Variants in ANKRD28 observed in about 807,000 individuals in gnomAD.
ANKRD28 encodes the protein ankyrin repeat domain 28, also known as serine/threonine-protein phosphatase 6 regulatory ankyrin repeat subunit A.
In ANKRD28, 44 loss-of-function variants were observed where a neutral mutation model predicts 126.5. That is an observed-to-expected ratio of 0.35 (90% confidence interval 0.27 to 0.45). ANKRD28 has a LOEUF of 0.45. Ranked by LOEUF, ANKRD28 falls within the 20% of genes least tolerant of loss-of-function variation. ANKRD28 has a pLI of 1.00. For missense variants in ANKRD28, 1,110 were observed against 1,316.6 expected (o/e 0.84, Z 2.43); for synonymous variants, 442 against 468.5 (o/e 0.94, Z 0.73).
intron 3 of ANKRD28, among the ~76,000 whole-genome samples, chr3:15,764,337 C>A (rs1186945225): frequency 6.6e-6 from 1 of 152,184 alleles, no homozygotes; most frequent in East Asian, 1.9e-4. Context: ...TAAGCATTCT[C>A]TCAAATGCTT....
chr3:15,707,440 A>G (rs2071609297), intron 14 of ANKRD28, among the ~76,000 whole-genome samples: 1 of 152,236 alleles, frequency 6.6e-6, no homozygotes, highest in Non-Finnish European at 1.5e-5. Flanking sequence ...CCTACTACGT[A>G]CCAGATTCTG....
At chr3:15,694,924 CTT>C (rs1220990078) in intron 16 of ANKRD28, 111 bp from the exon 17 acceptor site, 2 of 994,398 alleles carry the variant, frequency 2.0e-6, no homozygotes, top group Non-Finnish European at 3.1e-6. Flanking sequence ...ACTCAGCAAA[CTT>C]ATAAAACATG....
At position 15,814,642 on chromosome 3, in the gene ANKRD28, C is replaced by T. The variant is rs1383360184; in HGVS notation, c.28-19336G>A. On this transcript the variant is annotated intron_variant, in intron 1 of 27. Coordinates refer to the ANKRD28 transcript ENST00000399451. This position sits in a 1 kb window ranked among gnomAD's most constrained non-coding sequence, Gnocchi z 4.7. The stretch of plus-strand genomic sequence containing the variant: ...TCTTAAACACAAACACACACACACA[C>T]ATATACACACACAAACTTTTCAAAT... Among the ~76,000 whole-genome samples, 1 of 151,906 alleles carries T rather than the reference C, an allele frequency of 6.6e-6. No homozygotes were observed. Among genetic ancestry groups the T allele is most frequent in the African/African-American group, 2.4e-5 (1 of 41,400 alleles).
At position 15,815,227 on chromosome 3, in the gene ANKRD28, A is replaced by G. The variant is rs936956377; in HGVS notation, c.28-19921T>C. 6.6e-6 allele frequency among the ~76,000 whole-genome samples: 1 copy of G among 152,186 alleles called. No individual in the cohort carries two copies. The highest frequency in any genetic ancestry group is 1.9e-4 in the East Asian group (1 of 5,204). On this transcript the variant is annotated intron_variant, in intron 1 of 27. Coordinates refer to the ANKRD28 transcript ENST00000399451. The surrounding 1 kb of genome is among the most constrained non-coding windows in gnomAD (Gnocchi z 4.1). ...ATTAGGCCTAAAAAATTATGGAGCCATAATTCTCAAGTGCAATGACCTAGA... is the reference window on the plus strand; with the variant it reads ...ATTAGGCCTAAAAAATTATGGAGCCGTAATTCTCAAGTGCAATGACCTAGA...
intron 17 of ANKRD28, among the ~76,000 whole-genome samples, chr3:15,692,149 A>T (rs1326542707): frequency 1.3e-5 from 2 of 150,878 alleles, no homozygotes; most frequent in Non-Finnish European, 3.0e-5. Context: ...CTAAATAAAA[A>T]AAAAAAAAAA....
intron 2 of ANKRD28, among the ~76,000 whole-genome samples, chr3:15,790,419 C>T (rs1254224141): frequency 1.3e-4 from 19 of 151,870 alleles, no homozygotes; most frequent in Admixed American, 1.2e-3. Context: ...CTGAATTCAA[C>T]AATATATTAG....
At chr3:15,676,733 G>T (rs1159020943) in intron 26 of ANKRD28, 6 of 345,450 alleles carry the variant, frequency 1.7e-5, no homozygotes, top group Non-Finnish European at 2.7e-5. Context: ...TAGGTAGGTG[G>T]ATTAAGGAAA....
chr3:15,766,289 C>T lies in ANKRD28; in HGVS notation c.225G>A (p.Leu75=). ...NFQDNEKRTP[L]HAAAYLGDAE... is the part of the protein sequence containing the mutation. The stretch of plus-strand genomic sequence containing the variant: ...CATCTCCAAGGTAAGCTGCGGCGTG[C>T]AATGGGGTTCGCTTTTCATTGTCCT... Residue 75 remains leucine (L), a synonymous_variant, in exon 3 of 28, where the codon TTG becomes TTA. Transcript: ENST00000683139. The T allele has an allele frequency of 1.9e-6, 3 of 1,610,878 alleles. No individual in the cohort carries two copies. The highest frequency in any genetic ancestry group is 2.5e-6 in the Non-Finnish European group (3 of 1,178,054).
chr3:15,702,854 T>A (rs2070812523), intron 14 of ANKRD28, among the ~76,000 whole-genome samples: 1 of 152,064 alleles, frequency 6.6e-6, no homozygotes, highest in South Asian at 2.1e-4. Context: ...AAAATCAGTT[T>A]TAAAAAATAC....
At chr3:15,688,915 G>A (rs1437159934) in intron 18 of ANKRD28, among the ~76,000 whole-genome samples, 1 of 152,188 alleles carries the variant, frequency 6.6e-6, no homozygotes, top group African/African-American at 2.4e-5. Flanking sequence ...AAGTCAAAAC[G>A]TGTATCACTT....
chr3:15,778,125 G>A (rs2059382988), intron 2 of ANKRD28, among the ~76,000 whole-genome samples: 1 of 152,074 alleles, frequency 6.6e-6, no homozygotes, highest in African/African-American at 2.4e-5. Context: ...CCTAATAGGT[G>A]TCCATAGCAC....
chr3:15,755,991 T>G (rs2058132982), intron 3 of ANKRD28, among the ~76,000 whole-genome samples: 1 of 152,214 alleles, frequency 6.6e-6, no homozygotes, highest in African/African-American at 2.4e-5. Context: ...TATAAACCAA[T>G]ATTTACAGAA....
chr3:15,751,935 A>C (rs1575537275), intron 3 of ANKRD28, 115 bp from the exon 4 acceptor site: 2 of 677,438 alleles, frequency 3.0e-6, no homozygotes, highest in African/African-American at 1.9e-5. Flanking sequence ...TTGAAAAAAA[A>C]CTTATTTTTT....
chr3:15,670,239 T>C lies in ANKRD28; in HGVS notation c.*31A>G, dbSNP rs757183770. On this transcript the variant is annotated 3_prime_UTR_variant, in exon 28 of 28. Transcript: ENST00000683139. ...TCCTGAAAAAGCACAGTTTGAAGCT[T>C]TACTGTGAGAACTCCCTCCTCCTCA... is the stretch of plus-strand genomic sequence containing the variant. 3.7e-6 allele frequency: 6 copies of C among 1,603,122 alleles called. No individual in the cohort carries two copies. Among genetic ancestry groups the C allele is most frequent in the Non-Finnish European group, 5.1e-6 (6 of 1,171,734 alleles).
rs2061361846 is a variant in ANKRD28 at position 15,838,259 on chromosome 3, C to T, written c.27+21118G>A. 6.6e-6 allele frequency among the ~76,000 whole-genome samples: 1 copy of T among 152,134 alleles called. No homozygotes were observed. Among genetic ancestry groups the T allele is most frequent in the African/African-American group, 2.4e-5 (1 of 41,420 alleles). On this transcript the variant is annotated intron_variant, in intron 1 of 27. Transcript: ENST00000399451. This position sits in a 1 kb window ranked among gnomAD's most constrained non-coding sequence, Gnocchi z 4.0. ...TTCAATAGAAAACACTTTCTAATTC[C>T]CTCCATGAGGCTAACATTACCTTAA...
intron 4 of ANKRD28, among the ~76,000 whole-genome samples, chr3:15,750,596 T>A (rs758248108): frequency 1.3e-5 from 2 of 152,198 alleles, no homozygotes; most frequent in African/African-American, 4.8e-5. Flanking sequence ...AGCTAATAGA[T>A]TGCCTCTGTT....
At chr3:15,710,190 T>C (rs2072050101) in intron 12 of ANKRD28, among the ~76,000 whole-genome samples, 1 of 152,198 alleles carries the variant, frequency 6.6e-6, no homozygotes, top group Non-Finnish European at 1.5e-5. Context: ...TGTGAGCCAC[T>C]GCATGAGTCC....
chr3:15,722,464 C>T (rs2073831772), intron 7 of ANKRD28, among the ~76,000 whole-genome samples: 1 of 152,300 alleles, frequency 6.6e-6, no homozygotes, highest in East Asian at 1.9e-4. Flanking sequence ...CTTCCTTTGG[C>T]TGATCTCAGT....
chr3:15,793,872 C>T (rs1225672347), intron 2 of ANKRD28, among the ~76,000 whole-genome samples: 9 of 152,194 alleles, frequency 5.9e-5, no homozygotes, highest in Non-Finnish European at 1.0e-4. Context: ...TTGAGACCAG[C>T]CTGGCCAACA....
Sources: allele counts gnomAD v4.1 joint callset (sites outside exome capture counted in the v4.1 genomes callset), GRCh38; gene constraint gnomAD v4.1.1; non-coding constraint Gnocchi (gnomAD v3.1); transcripts MANE v1.5; gene names NCBI Gene and HGNC (gene_info 2026-07-23, HGNC 2026-07-21).